CNTN5: variants seen among roughly 807,000 people sequenced by gnomAD.
CNTN5 encodes the protein contactin 5.
Under a neutral mutation model 129.1 loss-of-function variants are expected in CNTN5, and 77 were observed. That is an observed-to-expected ratio of 0.60 (90% CI 0.50 to 0.72). CNTN5 has a LOEUF of 0.72. CNTN5 is among the 30% of genes least tolerant of loss of function. The probability of loss-of-function intolerance (pLI) is 0.00; values close to 1 mark genes in which losing one functional copy is unlikely to be tolerated. For synonymous variants in CNTN5, 509 were observed against 465.6 expected, an observed-to-expected ratio of 1.09 and a Z score of -1.20; for missense variants, 1,478 against 1,328.8, an observed-to-expected ratio of 1.11 and a Z score of -1.75.
intron 3 of CNTN5, among the ~76,000 whole-genome samples, chr11:99,708,028 A>AGTGATCTGT (rs1954826634): frequency 6.6e-6 from 1 of 151,564 alleles, no homozygotes; most frequent in African/African-American, 2.4e-5. Context: ...TTGATCACTA[A>AGTGATCTGT]ATTGCTCTGT....
At chr11:99,127,268 T>C (rs1858685305) in intron 1 of CNTN5, among the ~76,000 whole-genome samples, 1 of 152,318 alleles carries the variant, frequency 6.6e-6, no homozygotes, top group African/African-American at 2.4e-5. Context: ...CATGATTTTC[T>C]TCTTTTTTCT....
intron 2 of CNTN5, among the ~76,000 whole-genome samples, chr11:99,431,977 C>T (rs542682892): frequency 3.3e-5 from 5 of 152,190 alleles, no homozygotes; most frequent in Admixed American, 6.6e-5. Flanking sequence ...TGTTTCAAGA[C>T]GAAAGGAGCA....
intron 7 of CNTN5, among the ~76,000 whole-genome samples, chr11:99,916,781 A>C (rs188908399): frequency 6.6e-6 from 1 of 152,192 alleles, no homozygotes; most frequent in Non-Finnish European, 1.5e-5. Flanking sequence ...TGAGTTTCAT[A>C]ATTTGAGATG....
In CNTN5 at chr11:99,689,484, G is replaced by A. The variant is rs188960233; in HGVS notation, c.56-130060G>A. ...GGAGCTTGCAGTGAGCCGAGGTCGC[G>A]CCACTGCACTCTACCCTGGGCGACA... On this transcript the variant is annotated intron_variant, in intron 3 of 24. Transcript: ENST00000524871. 7.3e-3 allele frequency among the ~76,000 whole-genome samples: 876 copies of A among 120,038 alleles called. 5 individuals are homozygous for A. The highest frequency in any genetic ancestry group is 0.01 in the Non-Finnish European group (629 of 62,500). The allele number at this position is 120,038 out of a possible 152,430, so 78.7% of individuals were successfully genotyped here.
At chr11:99,108,774 G>T (rs1857641181) in intron 1 of CNTN5, among the ~76,000 whole-genome samples, 1 of 151,894 alleles carries the variant, frequency 6.6e-6, no homozygotes, top group African/African-American at 2.4e-5. Flanking sequence ...CAGAAATATA[G>T]ATTTTGTGTT....
chr11:100,185,486 C>T (rs531150271), intron 13 of CNTN5, among the ~76,000 whole-genome samples: 4 of 152,090 alleles, frequency 2.6e-5, no homozygotes, highest in Admixed American at 2.6e-4. Flanking sequence ...AGAGCGAGGT[C>T]TCGGTATTTA....
rs1409106076 is a variant in CNTN5 at position 99,658,911 on chromosome 11, AG to A, written c.55+102643del. Reference sequence around the variant, plus strand: ...CTCAAAAAAAAAAAAAAAAAGAAAAAGAAAAATATAATGAGTGCCATTGCCC... The same window carrying A: ...CTCAAAAAAAAAAAAAAAAAGAAAAAAAAAATATAATGAGTGCCATTGCCC... On this transcript the variant is annotated intron_variant, in intron 3 of 24. Coordinates refer to ENST00000524871, the MANE Select transcript of CNTN5 (RefSeq NM_014361.4). 2.7e-5 allele frequency among the ~76,000 whole-genome samples: 4 copies of A among 150,292 alleles called. 1 individual carries two copies. The highest frequency in any genetic ancestry group is 4.2e-4 in the South Asian group (2 of 4,800).
intron 13 of CNTN5, among the ~76,000 whole-genome samples, chr11:100,117,562 C>T (rs1376843242): frequency 1.3e-5 from 2 of 151,858 alleles, no homozygotes; most frequent in African/African-American, 4.8e-5. Context: ...CAATGTTAAT[C>T]CACTTGCCAC....
intron 3 of CNTN5, among the ~76,000 whole-genome samples, chr11:99,799,573 C>G (rs1399355190): frequency 6.6e-6 from 1 of 151,950 alleles, no homozygotes; most frequent in Non-Finnish European, 1.5e-5. Flanking sequence ...CTGAACCCAC[C>G]TTGCATCCTA....
intron 1 of CNTN5, among the ~76,000 whole-genome samples, chr11:99,267,233 T>C (rs920885837): frequency 2.0e-5 from 3 of 152,088 alleles, no homozygotes; most frequent in Non-Finnish European, 4.4e-5. Context: ...ATGCTAGGGT[T>C]GTTCATAGAA....
chr11:99,776,689 C>G (rs906497854), intron 3 of CNTN5, among the ~76,000 whole-genome samples: 2 of 151,626 alleles, frequency 1.3e-5, no homozygotes, highest in Non-Finnish European at 2.9e-5. Context: ...CATAAATATA[C>G]AGCAGTGCTC....
At chr11:99,457,518 G>C (rs533161987) in intron 2 of CNTN5, among the ~76,000 whole-genome samples, 13 of 151,828 alleles carry the variant, frequency 8.6e-5, no homozygotes, top group African/African-American at 3.1e-4. Context: ...GCTGTATGTG[G>C]ATAAAAAGAA....
intron 1 of CNTN5, among the ~76,000 whole-genome samples, chr11:99,240,656 T>G (rs1368689324): frequency 1.3e-5 from 2 of 152,158 alleles, no homozygotes; most frequent in Non-Finnish European, 2.9e-5. Context: ...TTTAGAAGTT[T>G]TTATCATTTT....
At chr11:100,121,872 T>A (rs1946035890) in intron 13 of CNTN5, among the ~76,000 whole-genome samples, 1 of 151,724 alleles carries the variant, frequency 6.6e-6, no homozygotes, top group African/African-American at 2.4e-5. Context: ...GTATTAAAAA[T>A]GATAGAGAAT....
intron 17 of CNTN5, among the ~76,000 whole-genome samples, chr11:100,260,477 A>G (rs2212446): frequency 0.87 from 132,967 of 152,184 alleles, 58,204 homozygotes; most frequent in East Asian, 0.99. Flanking sequence ...CCAAAACCTG[A>G]CAGAGGCACA....
chr11:99,882,768 T>C (rs910209369), intron 6 of CNTN5, among the ~76,000 whole-genome samples: 1 of 152,218 alleles, frequency 6.6e-6, no homozygotes, highest in Admixed American at 6.5e-5. Context: ...TTATTCGCTA[T>C]AGTTAGCCTG....
intron 1 of CNTN5, among the ~76,000 whole-genome samples, chr11:99,122,582 G>T (rs1858400014): frequency 6.6e-6 from 1 of 152,132 alleles, no homozygotes; most frequent in South Asian, 2.1e-4. Flanking sequence ...TACATGTACA[G>T]GATTGTTATA....
At chr11:99,256,638 A>G (rs2135809851) in intron 1 of CNTN5, among the ~76,000 whole-genome samples, 1 of 152,160 alleles carries the variant, frequency 6.6e-6, no homozygotes, top group African/African-American at 2.4e-5. Context: ...ATAATTTATC[A>G]AAAATATATT....
intron 6 of CNTN5, among the ~76,000 whole-genome samples, chr11:99,894,474 A>G (rs1591377782): frequency 1.4e-5 from 1 of 74,070 alleles, no homozygotes; most frequent in African/African-American, 4.9e-5. Context: ...ACTACAACTG[A>G]AAAAAAAAAA....
Sources: gnomAD v4.1 joint callset for allele counts (sites outside exome capture counted in the v4.1 genomes callset) on GRCh38, gnomAD v4.1.1 for gene constraint, MANE v1.5 for transcripts, NCBI Gene and HGNC (gene_info 2026-07-23, HGNC 2026-07-21) for gene names.